C16orf96: variants seen among roughly 807,000 people sequenced by gnomAD.
The protein encoded by C16orf96 is uncharacterized protein C16orf96.
Under a neutral mutation model 103.6 loss-of-function variants are expected in C16orf96, and 108 were observed. The ratio of observed to expected loss-of-function variants is 1.04; its 90% CI spans 0.89 to 1.22. The LOEUF is 1.22. Ranked by LOEUF, C16orf96 falls within the 50% of genes most tolerant of loss-of-function variation. The probability of loss-of-function intolerance (pLI) is 0.00; values close to 1 mark genes in which losing one functional copy is unlikely to be tolerated. For synonymous variants in C16orf96, 566 were observed against 593.5 expected (o/e 0.95, Z 0.67); for missense variants, 1,586 against 1,464.2 (o/e 1.08, Z -1.36).
At chr16:4,597,396 C>T (rs894312121) in intron 14 of C16orf96, among the ~76,000 whole-genome samples, 1 of 152,202 alleles carries the variant, frequency 6.6e-6, no homozygotes, top group South Asian at 2.1e-4. Flanking sequence ...GCGGCCAGGG[C>T]AGATGGAGTC....
chr16:4,569,340 C>T (rs555982504), intron 1 of C16orf96, among the ~76,000 whole-genome samples: 55 of 152,248 alleles, frequency 3.6e-4, no homozygotes, highest in African/African-American at 1.3e-3. Context: ...TGTTAATTAA[C>T]TATTTCTCCT....
intron 1 of C16orf96, among the ~76,000 whole-genome samples, chr16:4,557,672 A>C (rs2059280647): frequency 6.6e-6 from 1 of 151,740 alleles, no homozygotes; most frequent in African/African-American, 2.4e-5. Flanking sequence ...TGTGAATTTC[A>C]CCCCAATTTT....
rs1369632898 is a variant in C16orf96 at position 4,594,289 on chromosome 16, C to A, written c.2868-62C>A. On this transcript the variant is annotated intron_variant, in intron 12 of 15. Transcript: ENST00000444310. ...CTCGATGCTGGCCAGGCCCTTGGGG[C>A]CCGTCCTGGGCTCTGGGGTACAGGG... 3.3e-6 allele frequency: 5 copies of A among 1,514,232 alleles called. No individual in the cohort carries two copies. In the African/African-American group the frequency reaches 7.0e-5, roughly 21 times the overall value. 93.8% of individuals were successfully genotyped at this position (1,514,232 alleles called of 1,614,324 possible).
At chr16:4,553,536 C>A (rs910342491), upstream of C16orf96, among the ~76,000 whole-genome samples, 1 of 151,978 alleles carries the variant, frequency 6.6e-6, no homozygotes, top group African/African-American at 2.4e-5. Context: ...TGGGGTTTCA[C>A]CGTGTTGTGC....
chr16:4,559,198 G>T (rs2059301448), intron 1 of C16orf96, among the ~76,000 whole-genome samples: 1 of 152,058 alleles, frequency 6.6e-6, no homozygotes, highest in Non-Finnish European at 1.5e-5. Context: ...CTCCCTGGGA[G>T]TCAGGGCCAT....
chr16:4,547,609 CCTTT>C, the C16orf96 span, among the ~76,000 whole-genome samples: 1,636 of 151,532 alleles, frequency 0.011, 14 homozygotes, highest in Non-Finnish European at 0.016. Flanking sequence ...CTCTTTCCTT[CCTTT>C]CTTTCTTTCT....
intron 7 of C16orf96, among the ~76,000 whole-genome samples, chr16:4,581,842 GCTAC>G (rs2059592554): frequency 6.6e-6 from 1 of 152,058 alleles, no homozygotes; most frequent in Non-Finnish European, 1.5e-5. Context: ...TGTAGTCCCA[GCTAC>G]CTGGGAGGCT....
chr16:4,579,704 T>C (rs142494816), intron 6 of C16orf96, among the ~76,000 whole-genome samples: 9,796 of 151,060 alleles, frequency 0.065, 487 homozygotes, highest in African/African-American at 0.12. Context: ...CTCTGCCTCC[T>C]GGGTTCAAGC....
chr16:4,562,049 A>C (rs1228828830), intron 1 of C16orf96, among the ~76,000 whole-genome samples: 1 of 152,018 alleles, frequency 6.6e-6, no homozygotes, highest in Non-Finnish European at 1.5e-5. Context: ...CCTTTAACTT[A>C]TTGGTCTTTT....
At chr16:4,548,744 A>G in the C16orf96 span, among the ~76,000 whole-genome samples, 6 of 151,970 alleles carry the variant, frequency 3.9e-5, no homozygotes, top group African/African-American at 1.2e-4. Context: ...GTGGTGGTGC[A>G]TGCCTATAAT....
At chr16:4,586,250 T>A (rs150893798) in intron 7 of C16orf96, among the ~76,000 whole-genome samples, 10 of 152,190 alleles carry the variant, frequency 6.6e-5, no homozygotes, top group Admixed American at 5.9e-4. Context: ...ACAGAGCAGA[T>A]TCTGTAAAAA....
At chr16:4,540,853 C>G in the C16orf96 span, among the ~76,000 whole-genome samples, 2 of 151,902 alleles carry the variant, frequency 1.3e-5, no homozygotes, top group Non-Finnish European at 2.9e-5. Flanking sequence ...AAGCAGTCCT[C>G]CTGCCTCAGC....
intron 1 of C16orf96, among the ~76,000 whole-genome samples, chr16:4,564,941 C>T (rs1327174366): frequency 6.6e-6 from 1 of 152,220 alleles, no homozygotes; most frequent in Non-Finnish European, 1.5e-5. Flanking sequence ...GTAACGAACA[C>T]TCAGATGTCA....
intron 10 of C16orf96, 81 bp from the exon 11 acceptor site, chr16:4,592,224 C>G: frequency 4.6e-6 from 7 of 1,516,632 alleles, no homozygotes; most frequent in Non-Finnish European, 6.3e-6. Flanking sequence ...GGATGCAGCC[C>G]TGGGGCTCTG....
At position 4,576,161 on chromosome 16, in the gene C16orf96, C is replaced by T. The variant is rs1238377414; in HGVS notation, c.1681C>T (p.Leu561Phe). Residue 561 changes from leucine to phenylalanine, a missense_variant, in exon 5 of 16, where the codon CTT becomes TTT. By Grantham distance (22) the Leu-to-Phe change is conservative (BLOSUM62 0). Transcript: ENST00000444310. The part of the protein sequence containing the change: ...EAQPKAPQSA[L>F]HRLKTTAAIA... ...ACAGCCTAAGGCTCCCCAGTCTGCC[C>T]TTCACCGGCTGAAAACCACCGCTGC... 2.6e-6 allele frequency: 4 copies of T among 1,551,166 alleles called. No individual in the cohort carries two copies. Among genetic ancestry groups the T allele is most frequent in the Non-Finnish European group, 3.5e-6 (4 of 1,146,990 alleles).
At chr16:4,578,302 C>T (rs2059538580) in intron 5 of C16orf96, among the ~76,000 whole-genome samples, 1 of 152,110 alleles carries the variant, frequency 6.6e-6, no homozygotes, top group East Asian at 2.0e-4. Context: ...GCCACCAAGC[C>T]TGGCTGATTT....
At chr16:4,571,479 C>G in intron 1 of C16orf96, 82 bp from the exon 2 acceptor site, 1 of 1,210,768 alleles carries the variant, frequency 8.3e-7, no homozygotes, top group South Asian at 1.4e-5. Context: ...TGAACAACGG[C>G]TATCATCAGA....
Position 4,556,383 on chromosome 16 carries a change from C to T in C16orf96, c.-107C>T, listed in dbSNP as rs954988927. Reference sequence around the variant, plus strand: ...CCCTGACTGCTGTGACTCACCACCACCCCAGGCCTCTGAGGACCAGTCCAT... The same window carrying T: ...CCCTGACTGCTGTGACTCACCACCATCCCAGGCCTCTGAGGACCAGTCCAT... On this transcript the variant is annotated 5_prime_UTR_variant, in exon 1 of 16. Coordinates refer to ENST00000444310, the MANE Select transcript of C16orf96 (RefSeq NM_001145011.2). 4.2e-6 allele frequency: 5 copies of T among 1,202,868 alleles called. No individual in the cohort carries two copies. The African/African-American group carries it at 7.7e-5, about 19-fold the overall frequency. 74.5% of individuals were successfully genotyped at this position (1,202,868 alleles called of 1,614,324 possible).
At chr16:4,587,249 C>G in intron 8 of C16orf96, 136 bp downstream of exon 8, 1 of 820,010 alleles carries the variant, frequency 1.2e-6, no homozygotes, top group South Asian at 1.7e-5. Flanking sequence ...GTTGGCTGGG[C>G]GCAGTGGCTC....
Sources: allele counts gnomAD v4.1 joint callset (sites outside exome capture counted in the v4.1 genomes callset), GRCh38; gene constraint gnomAD v4.1.1; transcripts MANE v1.5; gene names NCBI Gene and HGNC (gene_info 2026-07-23, HGNC 2026-07-21).